ARHGAP25: variants seen among roughly 807,000 people sequenced by gnomAD.
The protein encoded by ARHGAP25 is rho GTPase-activating protein 25.
A neutral mutation model predicts 71.0 loss-of-function variants in ARHGAP25; 34 were observed. That is an observed-to-expected ratio of 0.48 (90% confidence interval 0.36 to 0.64). The LOEUF (loss-of-function observed/expected upper bound fraction) is 0.64, where lower values mean the gene tolerates loss of function less well. ARHGAP25 is among the 30% of genes least tolerant of loss of function. The pLI is 0.00. For synonymous variants in ARHGAP25, 282 were observed against 296.5 expected, an observed-to-expected ratio of 0.95 and a Z score of 0.50; for missense variants, 706 against 805.1, an observed-to-expected ratio of 0.88 and a Z score of 1.49.
intron 7 of ARHGAP25, 134 bp downstream of exon 7, chr2:68,816,496 T>C: frequency 1.4e-6 from 1 of 714,538 alleles, no homozygotes; most frequent in East Asian, 2.7e-5. Context: ...TGTATTCACA[T>C]AGCACTGAAG....
At chr2:68,735,763 A>G (rs568185549) in intron 1 of ARHGAP25, among the ~76,000 whole-genome samples, 9 of 152,236 alleles carry the variant, frequency 5.9e-5, no homozygotes, top group Non-Finnish European at 8.8e-5. Context: ...GTACTAAAGT[A>G]TAATAAAGAC....
At chr2:68,795,751 A>G (rs1679496033) in intron 4 of ARHGAP25, among the ~76,000 whole-genome samples, 3 of 152,302 alleles carry the variant, frequency 2.0e-5, no homozygotes, top group Middle Eastern at 3.4e-3. Context: ...ATTGTTATAT[A>G]GAATGTTCTG....
intron 1 of ARHGAP25, among the ~76,000 whole-genome samples, chr2:68,759,427 A>G (rs1420666799): frequency 1.3e-5 from 2 of 151,876 alleles, no homozygotes; most frequent in Non-Finnish European, 2.9e-5. Flanking sequence ...AGAAATAAAA[A>G]GAAATATAAA....
At position 68,822,713 on chromosome 2, in the gene ARHGAP25, G is replaced by A. The variant is rs1267363782; in HGVS notation, c.1574G>A (p.Cys525Tyr). 6.2e-7 allele frequency: 1 copy of A among 1,614,194 alleles called. No homozygotes were observed. Among genetic ancestry groups the A allele is most frequent in the South Asian group, 1.1e-5 (1 of 91,086 alleles). The change falls in exon 10 of 11, where the codon TGT becomes TAT. Residue 525 changes from cysteine (C) to tyrosine (Y), a missense_variant. Transcript: ENST00000409202. ...EEASALSSQA[C>Y]DSKGDTLASP... ...GCCAGTGCACTCTCTTCCCAAGCCTGTGACTCCAAGGGAGATACTCTTGCC... is the reference window on the plus strand; with the variant it reads ...GCCAGTGCACTCTCTTCCCAAGCCTATGACTCCAAGGGAGATACTCTTGCC...
In ARHGAP25 at chr2:68,822,447, A is replaced by G. The variant is rs761840762; in HGVS notation, c.1308A>G (p.Gln436=). ...AAAAGCCAGGAGACTGGAAAATGCAATCTCGTAAAAGGACTCAAACACTCC... is the reference window on the plus strand; with the variant it reads ...AAAAGCCAGGAGACTGGAAAATGCAGTCTCGTAAAAGGACTCAAACACTCC... ...PREKPGDWKM[Q]SRKRTQTLPN... is the part of the protein sequence containing the mutation. Residue 436 remains glutamine (Q), a synonymous_variant, in exon 10 of 11, where the codon CAA becomes CAG. Coordinates refer to ENST00000409202, the MANE Select transcript of ARHGAP25 (RefSeq NM_001007231.3). 18 of 1,614,208 alleles carry G rather than the reference A, an allele frequency of 1.1e-5. No individual in the cohort carries two copies. The highest frequency in any genetic ancestry group is 4.4e-5 in the South Asian group (4 of 91,084).
intron 3 of ARHGAP25, among the ~76,000 whole-genome samples, chr2:68,786,693 G>C: frequency 6.6e-6 from 1 of 152,182 alleles, no homozygotes; most frequent in East Asian, 1.9e-4. Context: ...AAGGGTGAAA[G>C]AAGGTGAGGC....
At chr2:68,759,832 A>C (rs1017071934) in intron 1 of ARHGAP25, among the ~76,000 whole-genome samples, 3 of 152,038 alleles carry the variant, frequency 2.0e-5, no homozygotes, top group Admixed American at 6.6e-5. Flanking sequence ...AAAAGAAGGG[A>C]AACTTCCCAA....
At chr2:68,806,121 A>T (rs145485781) in intron 4 of ARHGAP25, among the ~76,000 whole-genome samples, 1 of 152,196 alleles carries the variant, frequency 6.6e-6, no homozygotes, top group Non-Finnish European at 1.5e-5. Context: ...TTGGAAAGCA[A>T]TTTGCATGCC....
At chr2:68,815,009 C>T (rs936302866) in intron 6 of ARHGAP25, among the ~76,000 whole-genome samples, 4 of 152,190 alleles carry the variant, frequency 2.6e-5, no homozygotes, top group East Asian at 1.9e-4. Context: ...AAAAGATAAA[C>T]GTTTCAGATC....
chr2:68,789,141 T>C (rs1310803222), intron 4 of ARHGAP25, among the ~76,000 whole-genome samples: 2 of 152,058 alleles, frequency 1.3e-5, no homozygotes, highest in African/African-American at 2.4e-5. Flanking sequence ...CACACCATTC[T>C]CCTGTCTCAG....
intron 3 of ARHGAP25, among the ~76,000 whole-genome samples, chr2:68,787,148 T>C (rs10207163): frequency 0.49 from 74,932 of 152,048 alleles, 18,598 homozygotes; most frequent in Middle Eastern, 0.51. Context: ...TCTCCCTGCT[T>C]TCTGTTCCCT....
At chr2:68,739,947 G>C (rs1675429095) in intron 1 of ARHGAP25, among the ~76,000 whole-genome samples, 1 of 152,170 alleles carries the variant, frequency 6.6e-6, no homozygotes, top group African/African-American at 2.4e-5. Context: ...GGCAGACCTA[G>C]AATATAACTT....
upstream of ARHGAP25, among the ~76,000 whole-genome samples, chr2:68,734,480 A>G (rs1173707329): frequency 6.6e-6 from 1 of 152,218 alleles, no homozygotes. Context: ...TGGTCCTTAC[A>G]GCAGGAAGAA....
chr2:68,825,870 G>A lies in ARHGAP25; in HGVS notation c.1734-117G>A, dbSNP rs766525253. On this transcript the variant is annotated intron_variant, in intron 10 of 10. Coordinates refer to ENST00000409202, the MANE Select transcript of ARHGAP25 (RefSeq NM_001007231.3). ...GTGGGAAGAGGGACATAGCTGAGAGGTTGGATAAGGGTCTTGTGATTTGAA... is the reference window on the plus strand; with the variant it reads ...GTGGGAAGAGGGACATAGCTGAGAGATTGGATAAGGGTCTTGTGATTTGAA... The A allele has an allele frequency of 1.2e-4, 103 of 827,252 alleles. 1 individual carries two copies. Among genetic ancestry groups the A allele is most frequent in the Non-Finnish European group, 1.5e-4 (78 of 536,376 alleles). The allele number at this position is 827,252 out of a possible 1,614,324, so 51.2% of individuals were successfully genotyped here.
At chr2:68,727,490 C>T (rs1016842102) in intron 2 of ARHGAP25, among the ~76,000 whole-genome samples, 1 of 152,178 alleles carries the variant, frequency 6.6e-6, no homozygotes, top group African/African-American at 2.4e-5. Flanking sequence ...CTCTGCGGAG[C>T]TTCCATCTGC....
chr2:68,720,658 C>G (rs193092493), intron 2 of ARHGAP25, among the ~76,000 whole-genome samples: 2 of 152,234 alleles, frequency 1.3e-5, no homozygotes, highest in Admixed American at 6.5e-5. Context: ...CCAGTAGATT[C>G]CTCTGCTTGA....
intron 2 of ARHGAP25, among the ~76,000 whole-genome samples, chr2:68,711,666 C>G (rs1391051913): frequency 6.7e-6 from 1 of 149,828 alleles, no homozygotes; most frequent in African/African-American, 2.5e-5. Context: ...CTATCCCTCC[C>G]CCAGCCACCC....
chr2:68,799,160 G>A (rs1389457961), intron 4 of ARHGAP25, among the ~76,000 whole-genome samples: 4 of 152,284 alleles, frequency 2.6e-5, no homozygotes, highest in Middle Eastern at 3.4e-3. Flanking sequence ...ATTGCCAGGG[G>A]GTGGGAGTGA....
intron 9 of ARHGAP25, 44 bp from the exon 10 acceptor site, chr2:68,822,296 G>A (rs1681742769): frequency 3.2e-6 from 5 of 1,568,144 alleles, no homozygotes; most frequent in Admixed American, 1.8e-5. Flanking sequence ...ATGACACACA[G>A]AGGTGAAAAC....
Sources: gnomAD v4.1 joint callset for allele counts (sites outside exome capture counted in the v4.1 genomes callset) on GRCh38, gnomAD v4.1.1 for gene constraint, MANE v1.5 for transcripts, NCBI Gene and HGNC (gene_info 2026-07-23, HGNC 2026-07-21) for gene names.